The following GPC6 variants were observed in gnomAD, a reference collection of about 807,000 sequenced individuals.
The protein encoded by GPC6 is glypican 6, also known as glypican-6.
GPC6 carries 14 observed loss-of-function variants against 55.2 expected under a neutral mutation model. The observed-to-expected ratio is 0.25, with a 90% CI of 0.17 to 0.40. The LOEUF (loss-of-function observed/expected upper bound fraction) is 0.40. GPC6 is among the 10% of genes least tolerant of loss of function. The probability of loss-of-function intolerance (pLI) is 1.00; values close to 1 mark genes in which losing one functional copy is unlikely to be tolerated. For missense variants in GPC6, 641 were observed against 708.5 expected, an observed-to-expected ratio of 0.90 and a Z score of 1.08; for synonymous variants, 278 against 259.6, an observed-to-expected ratio of 1.07 and a Z score of -0.68.
chr13:93,992,566 TG>T (rs1406335092), intron 3 of GPC6, among the ~76,000 whole-genome samples: 2 of 152,222 alleles, frequency 1.3e-5, no homozygotes, highest in Non-Finnish European at 1.5e-5. Flanking sequence ...TTTAGACCAA[TG>T]GTTGCACTCA....
At chr13:93,321,978 C>T (rs533962948) in intron 1 of GPC6, among the ~76,000 whole-genome samples, 119 of 152,294 alleles carry the variant, frequency 7.8e-4, no homozygotes, top group African/African-American at 2.6e-3. Context: ...CCTCCTCCAC[C>T]TCCTGCTCTC....
At chr13:94,149,676 G>A (rs546271769) in intron 4 of GPC6, among the ~76,000 whole-genome samples, 1 of 152,080 alleles carries the variant, frequency 6.6e-6, no homozygotes, top group South Asian at 2.1e-4. Context: ...TTTTTACTCA[G>A]AATCCTAGAG....
In GPC6 at chr13:93,744,528, C is replaced by CTTTTTTTTTTTTTTTTT. The variant is rs71736430; in HGVS notation, c.320-85616_320-85600dup. Among the ~76,000 whole-genome samples, 11 of 97,206 alleles carry CTTTTTTTTTTTTTTTTT rather than the reference C, an allele frequency of 1.1e-4. 1 individual carries two copies. Among genetic ancestry groups the CTTTTTTTTTTTTTTTTT allele is most frequent in the Admixed American group, 2.3e-4 (2 of 8,538 alleles). 63.8% of individuals were successfully genotyped at this position (97,206 alleles called of 152,430 possible). On this transcript the variant is annotated intron_variant, in intron 2 of 8. Coordinates refer to ENST00000377047, the MANE Select transcript of GPC6 (RefSeq NM_005708.5). ...TTCCTCCAAACCTGCTTTCCCTAGT[C>CTTTTTTTTTTTTTTTTT]TTTTTTTTTTTTTTTTTTTTTTTTT...
chr13:93,290,850 G>A (rs1878296243), intron 1 of GPC6, among the ~76,000 whole-genome samples: 1 of 152,068 alleles, frequency 6.6e-6, no homozygotes, highest in South Asian at 2.1e-4. Context: ...AGAATAAAAT[G>A]TATTTAAGGA....
intron 1 of GPC6, among the ~76,000 whole-genome samples, chr13:93,439,711 A>AATGAAATGAAATGAAATGAAAT (rs1566358134): frequency 6.0e-5 from 9 of 149,960 alleles, no homozygotes; most frequent in African/African-American, 2.3e-4. Context: ...AAATAAAATA[A>AATGAAATGAAATGAAATGAAAT]AATAAAATAA....
At chr13:94,214,819 T>C (rs1342406996) in intron 4 of GPC6, among the ~76,000 whole-genome samples, 1 of 152,210 alleles carries the variant, frequency 6.6e-6, no homozygotes, top group African/African-American at 2.4e-5. Flanking sequence ...TCATTCTTTC[T>C]GTGCCCTTTG....
chr13:93,234,687 T>TGA (rs10615675), intron 1 of GPC6, among the ~76,000 whole-genome samples: 19 of 148,956 alleles, frequency 1.3e-4, no homozygotes, highest in African/African-American at 1.7e-4. Flanking sequence ...TGTGTGTGTG[T>TGA]GAGAGAGAGA....
At chr13:93,529,510 C>CTTTTT (rs1165594323) in intron 1 of GPC6, among the ~76,000 whole-genome samples, 68 of 85,180 alleles carry the variant, frequency 8.0e-4, no homozygotes, top group East Asian at 2.4e-3. Context: ...CTCTGAGATT[C>CTTTTT]TTTTTTTTTT....
At chr13:93,375,989 T>C (rs1274437899) in intron 1 of GPC6, among the ~76,000 whole-genome samples, 1 of 151,746 alleles carries the variant, frequency 6.6e-6, no homozygotes, top group East Asian at 1.9e-4. Flanking sequence ...CATCAATAAA[T>C]GGTGGTGGAC....
chr13:93,717,644 G>A (rs1883296938), intron 2 of GPC6, among the ~76,000 whole-genome samples: 1 of 151,474 alleles, frequency 6.6e-6, no homozygotes, highest in Admixed American at 6.6e-5. Context: ...TTTATGTTCT[G>A]GGATACATGT....
At chr13:93,656,267 A>G (rs1218015479) in intron 2 of GPC6, among the ~76,000 whole-genome samples, 1 of 152,180 alleles carries the variant, frequency 6.6e-6, no homozygotes, top group Non-Finnish European at 1.5e-5. Flanking sequence ...CAAGAAAGTC[A>G]TCAAATAATT....
At chr13:94,222,010 GT>G (rs890028883) in intron 4 of GPC6, among the ~76,000 whole-genome samples, 21 of 146,906 alleles carry the variant, frequency 1.4e-4, no homozygotes, top group Middle Eastern at 3.5e-3. Flanking sequence ...TAGTGATAGG[GT>G]TTTTTTTTTG....
chr13:93,502,609 A>G (rs1289648880), intron 1 of GPC6, among the ~76,000 whole-genome samples: 1 of 152,140 alleles, frequency 6.6e-6, no homozygotes, highest in East Asian at 1.9e-4. Flanking sequence ...ATAGTTTTGG[A>G]ACACTGGAAG....
At chr13:94,103,725 A>T (rs1207229881) in intron 4 of GPC6, among the ~76,000 whole-genome samples, 1 of 152,006 alleles carries the variant, frequency 6.6e-6, no homozygotes, top group Non-Finnish European at 1.5e-5. Context: ...CCACTTTGTG[A>T]TGGGGTTGTT....
chr13:94,200,877 T>A (rs1373094774), intron 4 of GPC6, among the ~76,000 whole-genome samples: 1 of 152,162 alleles, frequency 6.6e-6, no homozygotes, highest in Non-Finnish European at 1.5e-5. Context: ...GGTGGTGATG[T>A]CAGAGGAGAG....
intron 4 of GPC6, among the ~76,000 whole-genome samples, chr13:94,080,885 A>G (rs1303113954): frequency 1.3e-5 from 2 of 152,202 alleles, no homozygotes; most frequent in Admixed American, 6.5e-5. Flanking sequence ...AAGGATACAA[A>G]TCAGTTCATA....
At chr13:93,608,720 G>T (rs572299925) in intron 2 of GPC6, among the ~76,000 whole-genome samples, 1 of 152,184 alleles carries the variant, frequency 6.6e-6, no homozygotes, top group South Asian at 2.1e-4. Flanking sequence ...CTGTGCAACC[G>T]CTGTCCTGCC....
At chr13:94,370,067 C>A (rs1879470708) in intron 6 of GPC6, among the ~76,000 whole-genome samples, 1 of 152,202 alleles carries the variant, frequency 6.6e-6, no homozygotes, top group Admixed American at 6.5e-5. Flanking sequence ...TACAGCTGTT[C>A]TTTAGCAAAT....
intron 2 of GPC6, among the ~76,000 whole-genome samples, chr13:93,765,722 G>T (rs1885112180): frequency 6.6e-6 from 1 of 152,150 alleles, no homozygotes; most frequent in African/African-American, 2.4e-5. Flanking sequence ...TTAATGAAAT[G>T]CAAAGGTATC....
Sources: allele counts gnomAD v4.1 joint callset (sites outside exome capture counted in the v4.1 genomes callset), GRCh38; gene constraint gnomAD v4.1.1; transcripts MANE v1.5; gene names NCBI Gene and HGNC (gene_info 2026-07-23, HGNC 2026-07-21).